The following EDA variants were observed in gnomAD, a reference collection of about 807,000 sequenced individuals.
EDA encodes the protein ectodysplasin A, also known as ectodysplasin-A.
EDA carries 2 observed loss-of-function variants against 23.6 expected under a neutral mutation model. The ratio of observed to expected loss-of-function variants is 0.08; its 90% CI spans 0.03 to 0.27. EDA has a LOEUF of 0.27. Among genes scored for constraint, EDA ranks in the 10% least tolerant of loss-of-function variants. The pLI is 1.00. For missense variants in EDA, 229 were observed against 324.2 expected (o/e 0.71, Z 2.26); for synonymous variants, 131 against 132.0 (o/e 0.99, Z 0.05).
chrX:69,696,174 G>C (rs1425474093), intron 1 of EDA, among the ~76,000 whole-genome samples: 1 of 110,068 alleles, frequency 9.1e-6, no homozygotes, highest in Non-Finnish European at 1.9e-5. Context: ...AGGAGGCAGA[G>C]GTTTCAGTGA....
chrX:69,886,876 C>A (rs2017836781), intron 1 of EDA, among the ~76,000 whole-genome samples: 3 of 111,918 alleles, frequency 2.7e-5, no homozygotes, highest in African/African-American at 3.3e-5. Context: ...CCTTAACTTA[C>A]CAAAATCAGT....
chrX:69,798,733 G>A (rs2015603897), intron 1 of EDA, among the ~76,000 whole-genome samples: 1 of 111,127 alleles, frequency 9.0e-6, no homozygotes, highest in African/African-American at 3.3e-5. Context: ...ACTAGAAAAG[G>A]AAGAACAAAC....
At chrX:69,841,717 T>C (rs752880112) in intron 1 of EDA, among the ~76,000 whole-genome samples, 1 of 111,880 alleles carries the variant, frequency 8.9e-6, no homozygotes, top group East Asian at 2.8e-4. Context: ...GAATAAATAG[T>C]AAGGGACCTA....
intron 1 of EDA, among the ~76,000 whole-genome samples, chrX:69,726,133 T>C (rs1280217420): frequency 8.9e-6 from 1 of 111,999 alleles, no homozygotes; most frequent in African/African-American, 3.2e-5. Flanking sequence ...GTGAGTTTAG[T>C]TCAGTATTTT....
At chrX:69,684,112 C>T (rs775944027) in intron 1 of EDA, among the ~76,000 whole-genome samples, 2 of 112,218 alleles carry the variant, frequency 1.8e-5, no homozygotes, top group South Asian at 7.3e-4. Context: ...TAAGCTCATG[C>T]ATGTTACATA....
At chrX:69,679,585 T>C (rs1171833571) in intron 1 of EDA, among the ~76,000 whole-genome samples, 1 of 112,072 alleles carries the variant, frequency 8.9e-6, no homozygotes, top group African/African-American at 3.2e-5. Context: ...CCATTTCTTC[T>C]AGATTTTCTA....
At chrX:69,991,285 C>T (rs1481457433) in intron 2 of EDA, among the ~76,000 whole-genome samples, 3 of 111,483 alleles carry the variant, frequency 2.7e-5, no homozygotes, top group Non-Finnish European at 3.8e-5. Context: ...TTTGACCCTA[C>T]TTACATCTTC....
chrX:70,008,921 T>C (rs183886983), intron 2 of EDA, among the ~76,000 whole-genome samples: 153 of 111,346 alleles, frequency 1.4e-3, no homozygotes, highest in Middle Eastern at 9.3e-3. Flanking sequence ...GCTTTCCCTT[T>C]TGGAAGGTTA....
intron 1 of EDA, among the ~76,000 whole-genome samples, chrX:69,938,983 G>A (rs2018716723): frequency 8.9e-6 from 1 of 111,900 alleles, no homozygotes; most frequent in Non-Finnish European, 1.9e-5. Context: ...GTACCATGCT[G>A]TTTGGGTTGC....
chrX:69,937,779 G>A (rs2018696014), intron 1 of EDA: 2 of 1,190,587 alleles, frequency 1.7e-6, no homozygotes, highest in Non-Finnish European at 2.3e-6. Flanking sequence ...ATTTATAAAT[G>A]TCAGTCCTAG....
At chrX:69,703,644 C>G (rs1462305019) in intron 1 of EDA, among the ~76,000 whole-genome samples, 2 of 111,734 alleles carry the variant, frequency 1.8e-5, no homozygotes, top group Non-Finnish European at 3.8e-5. Context: ...GTAACTGCTA[C>G]GCAGTACCCT....
rs763034406 is a variant in EDA, at chrX:69,753,288, A to G, written c.396+136584A>G. Among the ~76,000 whole-genome samples the G allele has an allele frequency of 1.4e-3, 151 of 111,732 alleles. 1 individual carries two copies. The highest frequency in any genetic ancestry group is 4.0e-3 in the Admixed American group (42 of 10,550). On this transcript the variant is annotated intron_variant, in intron 1 of 7. Transcript: ENST00000374552. ...TCTGGTATGTTGTGTCTTTGTTCGCATTGGTTTCAAAGAACATCTTTATTT... is the reference window on the plus strand; with the variant it reads ...TCTGGTATGTTGTGTCTTTGTTCGCGTTGGTTTCAAAGAACATCTTTATTT...
intron 1 of EDA, among the ~76,000 whole-genome samples, chrX:69,764,756 G>C (rs1375879319): frequency 9.0e-6 from 1 of 110,845 alleles, no homozygotes; most frequent in Admixed American, 9.7e-5. Flanking sequence ...TGTACAAAAG[G>C]ATTCTATTAT....
intron 1 of EDA, among the ~76,000 whole-genome samples, chrX:69,813,382 T>C (rs1014716325): frequency 6.2e-5 from 7 of 112,013 alleles, no homozygotes; most frequent in African/African-American, 2.3e-4. Flanking sequence ...CTTCTATTTT[T>C]TTCAAGACTC....
intron 1 of EDA, among the ~76,000 whole-genome samples, chrX:69,862,784 G>A (rs2017407580): frequency 9.0e-6 from 1 of 111,173 alleles, no homozygotes; most frequent in African/African-American, 3.3e-5. Context: ...GCAACTGAGT[G>A]AAGTAGAGTA....
chrX:69,648,079 G>T (rs1338721516), intron 1 of EDA, among the ~76,000 whole-genome samples: 2 of 111,293 alleles, frequency 1.8e-5, no homozygotes, highest in African/African-American at 3.3e-5. Context: ...TGGAAGCTCT[G>T]TCCCAGGGGG....
At chrX:69,801,335 CT>C (rs1163767734) in intron 1 of EDA, among the ~76,000 whole-genome samples, 18 of 103,497 alleles carry the variant, frequency 1.7e-4, no homozygotes, top group South Asian at 4.4e-4. Flanking sequence ...CACATGCCAT[CT>C]TTTTTTTTTT....
Position 69,633,487 on chromosome X carries a change from C to T in EDA, c.396+16783C>T, listed in dbSNP as rs184123295. Among the ~76,000 whole-genome samples, 177 of 111,854 alleles carry T rather than the reference C, an allele frequency of 1.6e-3. 2 individuals carry two copies. Among genetic ancestry groups the T allele is most frequent in the African/African-American group, 5.2e-3 (160 of 30,850 alleles). ...ACATTTTCATTGCCCCCCAAAGAAA[C>T]TGTATCCATTAGCAGTCATTCCCCA... On this transcript the variant is annotated intron_variant, in intron 1 of 7. Coordinates refer to ENST00000374552, the MANE Select transcript of EDA (RefSeq NM_001399.5).
intron 2 of EDA, among the ~76,000 whole-genome samples, chrX:70,020,637 T>G (rs1432666210): frequency 1.8e-5 from 2 of 112,328 alleles, no homozygotes; most frequent in African/African-American, 6.5e-5. Flanking sequence ...TATAAATTGT[T>G]TATAAAATGT....
Sources: allele counts gnomAD v4.1 joint callset (sites outside exome capture counted in the v4.1 genomes callset), GRCh38; gene constraint gnomAD v4.1.1; transcripts MANE v1.5; gene names NCBI Gene and HGNC (gene_info 2026-07-23, HGNC 2026-07-21).